The following THSD7A variants were observed in gnomAD, a reference collection of about 807,000 sequenced individuals.
The protein encoded by THSD7A is thrombospondin type 1 domain containing 7A.
In THSD7A, 96 loss-of-function variants were observed where a neutral mutation model predicts 231.3. That is an observed-to-expected ratio of 0.41 (90% CI 0.35 to 0.49). The LOEUF (loss-of-function observed/expected upper bound fraction) is 0.49. Among genes scored for constraint, THSD7A ranks in the 20% least tolerant of loss-of-function variants. THSD7A has a pLI of 0.05. For missense variants in THSD7A, 2,290 were observed against 2,070.2 expected (o/e 1.11, Z -2.06); for synonymous variants, 940 against 743.3 (o/e 1.26, Z -4.30).
chr7:11,675,281 G>C (rs1256113433), intron 1 of THSD7A, among the ~76,000 whole-genome samples: 1 of 152,108 alleles, frequency 6.6e-6, no homozygotes, highest in African/African-American at 2.4e-5. Context: ...ACAGACCAGC[G>C]GTTTCCCTTG....
Position 11,831,970 on chromosome 7 carries a change from CCAGAGCCGTAG to C in THSD7A, c.-35_-25del. 1 of 1,223,870 alleles carries C rather than the reference CCAGAGCCGTAG, an allele frequency of 8.2e-7. No individual in the cohort carries two copies. The highest frequency in any genetic ancestry group is 1.0e-6 in the Non-Finnish European group (1 of 983,456). 75.8% of individuals were successfully genotyped at this position (1,223,870 alleles called of 1,614,324 possible). ...ATGCCGCCTGCAGCCACTCCAGGGT[CCAGAGCCGTAG>C]CACGCTCGGCAGGGAATTTTTCTCC... is the stretch of plus-strand genomic sequence containing the variant. On this transcript the variant is annotated 5_prime_UTR_variant, in exon 1 of 28. Coordinates refer to ENST00000423059, the MANE Select transcript of THSD7A (RefSeq NM_015204.3). This position sits in a 1 kb window ranked among gnomAD's most constrained non-coding sequence, Gnocchi z 5.0.
chr7:11,412,949 A>G, intron 17 of THSD7A, 149 bp from the exon 18 acceptor site: 2 of 796,228 alleles, frequency 2.5e-6, no homozygotes, highest in Admixed American at 5.7e-5. Context: ...TCAGTTGTTC[A>G]ATGTATAAAA....
intron 2 of THSD7A, among the ~76,000 whole-genome samples, chr7:11,623,055 G>C (rs1487405332): frequency 2.0e-5 from 3 of 152,126 alleles, no homozygotes; most frequent in Non-Finnish European, 4.4e-5. Flanking sequence ...TTATCCTTCA[G>C]TGCTTTATAC....
intron 1 of THSD7A, among the ~76,000 whole-genome samples, chr7:11,790,024 C>A (rs1471792658): frequency 6.6e-6 from 1 of 151,858 alleles, no homozygotes; most frequent in African/African-American, 2.4e-5. Flanking sequence ...ATTTGCACTG[C>A]ATTGATATAT....
At chr7:11,774,182 G>GT (rs1247666700) in intron 1 of THSD7A, among the ~76,000 whole-genome samples, 7 of 152,248 alleles carry the variant, frequency 4.6e-5, no homozygotes, top group African/African-American at 1.7e-4. Flanking sequence ...TCTAACATTT[G>GT]TAACAACATA....
intron 1 of THSD7A, among the ~76,000 whole-genome samples, chr7:11,812,117 G>T (rs1352692677): frequency 1.4e-5 from 2 of 141,508 alleles, no homozygotes; most frequent in East Asian, 2.0e-4. Flanking sequence ...GTGTGTGTGT[G>T]TGTGTGTGTG....
chr7:11,606,642 T>G (rs2128347001), intron 2 of THSD7A, among the ~76,000 whole-genome samples: 1 of 149,368 alleles, frequency 6.7e-6, no homozygotes, highest in South Asian at 2.1e-4. Flanking sequence ...CCTGTAAAGA[T>G]ACAAATAAAT....
intron 6 of THSD7A, among the ~76,000 whole-genome samples, chr7:11,528,036 G>A (rs573882442): frequency 1.3e-5 from 2 of 152,016 alleles, no homozygotes; most frequent in African/African-American, 4.8e-5. Flanking sequence ...GCCTAGTGGT[G>A]CACACCTGTT....
chr7:11,756,707 C>G (rs1782689215), intron 1 of THSD7A, among the ~76,000 whole-genome samples: 1 of 152,014 alleles, frequency 6.6e-6, no homozygotes, highest in African/African-American at 2.4e-5. Flanking sequence ...GTTTATTAAG[C>G]TCTGCAGTAA....
intron 7 of THSD7A, among the ~76,000 whole-genome samples, 187 bp downstream of exon 7, chr7:11,481,601 T>A (rs530223178): frequency 1.8e-4 from 27 of 152,242 alleles, no homozygotes; most frequent in African/African-American, 6.5e-4. Flanking sequence ...TTGTTAGAGA[T>A]CCATTTTCAA....
intron 1 of THSD7A, among the ~76,000 whole-genome samples, chr7:11,675,116 G>T (rs1783583341): frequency 6.6e-6 from 1 of 151,976 alleles, no homozygotes; most frequent in African/African-American, 2.4e-5. Context: ...GCCCATGGAG[G>T]GCAAGCAGAA....
chr7:11,743,720 T>A (rs1782184314), intron 1 of THSD7A, among the ~76,000 whole-genome samples: 1 of 151,838 alleles, frequency 6.6e-6, no homozygotes, highest in Non-Finnish European at 1.5e-5. Flanking sequence ...TAAATAGAGG[T>A]CTGTCCAATT....
intron 4 of THSD7A, among the ~76,000 whole-genome samples, chr7:11,558,446 T>A (rs901512581): frequency 1.3e-5 from 2 of 152,156 alleles, no homozygotes; most frequent in African/African-American, 4.8e-5. Flanking sequence ...ACCACAGTCC[T>A]AAATCTGGCC....
intron 4 of THSD7A, among the ~76,000 whole-genome samples, chr7:11,554,293 G>A (rs1436360589): frequency 6.6e-6 from 1 of 151,966 alleles, no homozygotes. Flanking sequence ...CCATGTGAAG[G>A]CATACAGAGA....
Position 11,370,491 on chromosome 7 carries a change from T to C in THSD7A, c.*5303A>G, listed in dbSNP as rs1782011114. ...TGTCAGCAATATAGTTATTTACAAA[T>C]AACCCATATGAAAATGTAAAAAAGC... On this transcript the variant is annotated 3_prime_UTR_variant, in exon 28 of 28. Transcript: ENST00000423059. 6.6e-6 allele frequency: 1 copy of C among 152,170 alleles called. No homozygotes were observed. Among genetic ancestry groups the C allele is most frequent in the African/African-American group, 2.4e-5 (1 of 41,448 alleles). The allele number at this position is 152,170 out of a possible 1,614,324, so 9.4% of individuals were successfully genotyped here. A position where few individuals can be genotyped will look rare whatever the true frequency, so the allele number is the denominator to read the frequency against.
intron 4 of THSD7A, among the ~76,000 whole-genome samples, chr7:11,570,017 C>T (rs1034883913): frequency 1.3e-5 from 2 of 151,792 alleles, no homozygotes; most frequent in African/African-American, 4.8e-5. Context: ...ACAAAAAGTA[C>T]AAAAATTAAC....
At chr7:11,519,261 C>T (rs1562679094) in intron 6 of THSD7A, among the ~76,000 whole-genome samples, 3 of 152,302 alleles carry the variant, frequency 2.0e-5, no homozygotes, top group South Asian at 4.1e-4. Flanking sequence ...AACTGCCCCG[C>T]GCCATCACAA....
intron 8 of THSD7A, 70 bp from the exon 9 acceptor site, chr7:11,470,064 G>A (rs1785874846): frequency 1.3e-5 from 15 of 1,129,280 alleles, no homozygotes; most frequent in Admixed American, 2.0e-5. Context: ...AATTTCTCTA[G>A]AATTTTCACT....
intron 13 of THSD7A, among the ~76,000 whole-genome samples, chr7:11,435,936 G>A (rs1315328557): frequency 6.6e-6 from 1 of 151,950 alleles, no homozygotes; most frequent in Non-Finnish European, 1.5e-5. Flanking sequence ...CTAACTCCAG[G>A]TAGTTAGTGT....
Sources: allele counts gnomAD v4.1 joint callset (sites outside exome capture counted in the v4.1 genomes callset), GRCh38; gene constraint gnomAD v4.1.1; non-coding constraint Gnocchi (gnomAD v3.1); transcripts MANE v1.5; gene names NCBI Gene and HGNC (gene_info 2026-07-23, HGNC 2026-07-21).